OPRM1: variants seen among roughly 807,000 people sequenced by gnomAD.
OPRM1 encodes mu-type opioid receptor.
Under a neutral mutation model 31.8 loss-of-function variants are expected in OPRM1, and 27 were observed. The ratio of observed to expected loss-of-function variants is 0.85; its 90% CI spans 0.63 to 1.17. The LOEUF is 1.17. Among genes scored for constraint, OPRM1 ranks in the 50% most tolerant of loss-of-function variants. The pLI, the probability that OPRM1 is intolerant of heterozygous loss-of-function variation, is 0.00. For missense variants in OPRM1, 536 were observed against 511.1 expected (o/e 1.05, Z -0.47); for synonymous variants, 196 against 189.9 (o/e 1.03, Z -0.26).
At chr6:154,138,257 A>C (rs1798108894) in intron 3 of OPRM1, among the ~76,000 whole-genome samples, 1 of 152,210 alleles carries the variant, frequency 6.6e-6, no homozygotes, top group Non-Finnish European at 1.5e-5. Context: ...AAAAAAAAAA[A>C]AGTCACGCAG....
In OPRM1 at chr6:154,091,833, TGCTGC is replaced by T. The variant is rs766095537; in HGVS notation, c.1164+362_1164+366del. On this transcript the variant is annotated intron_variant, in intron 3 of 3. Coordinates refer to ENST00000330432, the MANE Select transcript of OPRM1 (RefSeq NM_000914.5). ...GAATTATTATATAATTCATAGATGT[TGCTGC>T]AATACCCCTCTTATTTCTCAAAAGC... is the stretch of plus-strand genomic sequence containing the variant. 92 of 1,012,622 alleles carry T rather than the reference TGCTGC, an allele frequency of 9.1e-5. No individual in the cohort carries two copies. In the African/African-American group the frequency reaches 1.6e-3, roughly 17 times the overall value. The allele number at this position is 1,012,622 out of a possible 1,614,324, so 62.7% of individuals were successfully genotyped here. A position where few individuals can be genotyped will look rare whatever the true frequency, so the allele number is the denominator to read the frequency against.
chr6:154,104,611 A>T (rs1434505425), intron 3 of OPRM1, among the ~76,000 whole-genome samples: 1 of 152,252 alleles, frequency 6.6e-6, no homozygotes, highest in East Asian at 1.9e-4. Flanking sequence ...CTAGAATTTA[A>T]TAACAAGTGT....
intron 1 of OPRM1, among the ~76,000 whole-genome samples, chr6:154,045,089 G>A (rs111733940): frequency 6.6e-6 from 1 of 151,912 alleles, no homozygotes; most frequent in Non-Finnish European, 1.5e-5. Flanking sequence ...AGCCAGACTG[G>A]GTGGCGCATG....
In OPRM1 at chr6:154,227,832, G is replaced by A. The variant is rs1438439240; in HGVS notation, c.1165-18861G>A. On this transcript the variant is annotated intron_variant, in intron 3 of 3. Transcript: ENST00000337049. Reference sequence around the variant, plus strand: ...AAACAGCTGAGATTCCCTTAAACAGGAGCCTAAATAAGTTTGGGTGAAAAC... The same window carrying A: ...AAACAGCTGAGATTCCCTTAAACAGAAGCCTAAATAAGTTTGGGTGAAAAC... Among the ~76,000 whole-genome samples the A allele has an allele frequency of 3.3e-5, 5 of 152,206 alleles. No individual in the cohort carries two copies. In the East Asian group the frequency reaches 9.7e-4, roughly 29 times the overall value.
rs1779622178 is a variant in OPRM1, at chr6:154,039,655, A to C, written c.111A>C (p.Leu37Phe). ...GTTCCTGGGTCAACTTGTCCCACTT[A>C]GATGGCAACCTGTCCGACCCATGCG... is the stretch of plus-strand genomic sequence containing the variant. ...SPGSWVNLSH[L>F]DGNLSDPCGP... Residue 37 changes from leucine to phenylalanine, a missense_variant, in exon 1 of 4, where the codon TTA (leucine) becomes TTC (phenylalanine). Coordinates refer to ENST00000330432, the MANE Select transcript of OPRM1 (RefSeq NM_000914.5). 1 of 1,613,782 alleles carries C rather than the reference A, an allele frequency of 6.2e-7. No individual in the cohort carries two copies. The highest frequency in any genetic ancestry group is 2.2e-5 in the East Asian group (1 of 44,878).
rs532810850 is a variant in OPRM1, at chr6:154,107,749, G to T, written c.1165-10934G>T. ...ATCCAGTTTTTTTGTTGGTTTCAGG[G>T]ACCTCCAGCCAAGTTTGTTGCTGAC... is the stretch of plus-strand genomic sequence containing the variant. On this transcript the variant is annotated intron_variant, in intron 3 of 3. Coordinates refer to ENST00000330432, the MANE Select transcript of OPRM1 (RefSeq NM_000914.5). The T allele has an allele frequency of 1.6e-4, 114 of 718,322 alleles. 1 individual carries two copies. The highest frequency in any genetic ancestry group is 2.8e-4 in the Non-Finnish European group (107 of 385,072). The allele number at this position is 718,322 out of a possible 1,614,324, so 44.5% of individuals were successfully genotyped here.
intron 3 of OPRM1, among the ~76,000 whole-genome samples, chr6:154,235,771 G>A (rs181529625): frequency 6.6e-6 from 1 of 152,244 alleles, no homozygotes; most frequent in Admixed American, 6.5e-5. Context: ...ATATGGAAAT[G>A]GCCAATAAGC....
chr6:154,143,611 T>C (rs986177337), intron 3 of OPRM1, among the ~76,000 whole-genome samples: 4 of 152,104 alleles, frequency 2.6e-5, no homozygotes, highest in African/African-American at 7.2e-5. Flanking sequence ...CCTCCAAAAG[T>C]CCCCATGTTA....
At chr6:154,215,450 T>C (rs971569982) in intron 3 of OPRM1, among the ~76,000 whole-genome samples, 1 of 151,644 alleles carries the variant, frequency 6.6e-6, no homozygotes, top group Non-Finnish European at 1.5e-5. Flanking sequence ...CTTAAAAAAA[T>C]ACAAAATTAG....
chr6:154,200,212 G>A (rs1776951172), intron 3 of OPRM1, among the ~76,000 whole-genome samples: 1 of 152,082 alleles, frequency 6.6e-6, no homozygotes, highest in Non-Finnish European at 1.5e-5. Context: ...CACACATTAG[G>A]ATTTCATTCT....
chr6:154,178,968 G>C (rs922233316), intron 3 of OPRM1, among the ~76,000 whole-genome samples: 1 of 152,182 alleles, frequency 6.6e-6, no homozygotes, highest in African/African-American at 2.4e-5. Flanking sequence ...CTTATTGGCT[G>C]TTTTGTGTGT....
chr6:154,064,382 G>A (rs1302121586), intron 1 of OPRM1, among the ~76,000 whole-genome samples: 1 of 151,984 alleles, frequency 6.6e-6, no homozygotes, highest in Non-Finnish European at 1.5e-5. Flanking sequence ...ATATGTTCTG[G>A]ATATTAATCC....
At position 154,126,804 on chromosome 6, in the gene OPRM1, T is replaced by C. The variant is rs893062933; in HGVS notation, c.*8083T>C. ...TCCTGCTGGTGACATATTAGACTTC[T>C]TACTTTCCCCAAATAAAAAAGTGCC... On this transcript the variant is annotated 3_prime_UTR_variant, in exon 4 of 4. Coordinates refer to ENST00000330432, the MANE Select transcript of OPRM1 (RefSeq NM_000914.5). Among the ~76,000 whole-genome samples, 5 of 152,122 alleles carry C rather than the reference T, an allele frequency of 3.3e-5. No individual in the cohort carries two copies. The highest frequency in any genetic ancestry group is 1.2e-4 in the African/African-American group (5 of 41,420).
At chr6:154,072,339 A>G (rs1197329698) in intron 1 of OPRM1, among the ~76,000 whole-genome samples, 4 of 152,172 alleles carry the variant, frequency 2.6e-5, no homozygotes, top group Non-Finnish European at 5.9e-5. Context: ...AAGCTTATAA[A>G]CCAATAGATA....
At chr6:154,077,012 G>GA (rs1392209496) in intron 1 of OPRM1, among the ~76,000 whole-genome samples, 2 of 151,700 alleles carry the variant, frequency 1.3e-5, no homozygotes, top group South Asian at 2.1e-4. Context: ...GGCTTTCAAT[G>GA]AAAAAAAATA....
intron 3 of OPRM1, among the ~76,000 whole-genome samples, chr6:154,209,153 A>C (rs891234944): frequency 6.6e-6 from 1 of 152,228 alleles, no homozygotes; most frequent in Non-Finnish European, 1.5e-5. Flanking sequence ...AAATATTTTC[A>C]AGATTTTAAA....
chr6:154,222,214 C>A (rs1287025515), intron 3 of OPRM1, among the ~76,000 whole-genome samples: 1 of 152,204 alleles, frequency 6.6e-6, no homozygotes, highest in Non-Finnish European at 1.5e-5. Context: ...ATGAGAAGGG[C>A]TTCCACTTTA....
intron 3 of OPRM1, among the ~76,000 whole-genome samples, chr6:154,225,442 C>T (rs758289462): frequency 1.3e-5 from 2 of 152,160 alleles, no homozygotes; most frequent in Non-Finnish European, 2.9e-5. Flanking sequence ...ATACATGCTA[C>T]GTGGATGAAT....
downstream of OPRM1, among the ~76,000 whole-genome samples, chr6:154,134,142 C>A (rs905195206): frequency 6.6e-6 from 1 of 152,176 alleles, no homozygotes; most frequent in Non-Finnish European, 1.5e-5. Context: ...TCTGAAAGAT[C>A]ACTAGGAGGC....
Sources: allele counts gnomAD v4.1 joint callset (sites outside exome capture counted in the v4.1 genomes callset), GRCh38; gene constraint gnomAD v4.1.1; transcripts MANE v1.5; gene names NCBI Gene and HGNC (gene_info 2026-07-23, HGNC 2026-07-21).